TBK1: variants seen among roughly 807,000 people sequenced by gnomAD.
The protein encoded by TBK1 is serine/threonine-protein kinase TBK1.
In TBK1, 37 loss-of-function variants were observed where a neutral mutation model predicts 99.9. The observed-to-expected ratio is 0.37, with a 90% CI of 0.28 to 0.49. The LOEUF (loss-of-function observed/expected upper bound fraction) is 0.49. Ranked by LOEUF, TBK1 falls within the 20% of genes least tolerant of loss-of-function variation. The pLI is 0.98. For missense variants in TBK1, 644 were observed against 872.5 expected (o/e 0.74, Z 3.30); for synonymous variants, 258 against 279.8 (o/e 0.92, Z 0.78).
chr12:64,470,259 T>C (rs2040648710), intron 5 of TBK1, among the ~76,000 whole-genome samples: 1 of 152,182 alleles, frequency 6.6e-6, no homozygotes. Context: ...AATTCCTAGA[T>C]AATATTATAA....
intron 10 of TBK1, 129 bp downstream of exon 10, chr12:64,485,642 T>A (rs1382881384): frequency 2.0e-6 from 1 of 501,380 alleles, no homozygotes; most frequent in Non-Finnish European, 3.4e-6. Context: ...CTTAAATTGA[T>A]ACCCTTTCCA....
intron 4 of TBK1, 45 bp from the exon 5 acceptor site, chr12:64,466,852 TACAC>T: frequency 5.7e-6 from 8 of 1,414,950 alleles, no homozygotes; most frequent in Non-Finnish European, 6.6e-6. Flanking sequence ...CATGCACACA[TACAC>T]GTAAATATCT....
chr12:64,456,734 C>T (rs1482458504), intron 2 of TBK1, among the ~76,000 whole-genome samples: 3 of 151,070 alleles, frequency 2.0e-5, no homozygotes, highest in Non-Finnish European at 4.4e-5. Flanking sequence ...CCCAGCTACT[C>T]GGGAGGCTGA....
intron 12 of TBK1, among the ~76,000 whole-genome samples, chr12:64,489,383 C>A (rs1173988357): frequency 1.3e-5 from 2 of 152,178 alleles, no homozygotes; most frequent in African/African-American, 4.8e-5. Flanking sequence ...AGAGGAAATA[C>A]AATAAATGAA....
In TBK1 at chr12:64,474,292, A is replaced by T. The variant is rs988794084; in HGVS notation, c.603A>T (p.Thr201=). The change falls in exon 6 of 21, where the codon ACA becomes ACT. Residue 201 remains threonine, a synonymous_variant. Transcript: ENST00000331710. ...RKDHQKKYGA[T]VDLWSIGVTF... is the part of the protein sequence containing the mutation. ...ATCATCAGAAGAAATATGGAGCAAC[A>T]GTTGATCTTTGGAGCATTGGGGTAA... is the stretch of plus-strand genomic sequence containing the variant. 1.9e-6 allele frequency: 3 copies of T among 1,614,006 alleles called. No homozygotes were observed. Among genetic ancestry groups the T allele is most frequent in the Admixed American group, 1.7e-5 (1 of 60,012 alleles).
chr12:64,460,276 T>C lies in TBK1; in HGVS notation c.175T>C (p.Leu59=), dbSNP rs545011546. The C allele has an allele frequency of 2.0e-5, 31 of 1,584,118 alleles. No homozygotes were observed. The African/African-American group carries it at 3.2e-4, about 17-fold the overall frequency. Residue 59 remains leucine, a synonymous_variant, in exon 3 of 21, where the codon TTG becomes CTG. Coordinates refer to ENST00000331710, the MANE Select transcript of TBK1 (RefSeq NM_013254.4). ...TGTTCAAATGAGAGAATTTGAAGTGTTGAAAAAACTCAATCACAAAAATAT... is the reference window on the plus strand; with the variant it reads ...TGTTCAAATGAGAGAATTTGAAGTGCTGAAAAAACTCAATCACAAAAATAT... ...VDVQMREFEV[L]KKLNHKNIVK... is the part of the protein sequence containing the mutation.
intron 6 of TBK1, among the ~76,000 whole-genome samples, chr12:64,476,021 T>G (rs1286553738): frequency 6.6e-6 from 1 of 152,118 alleles, no homozygotes; most frequent in Non-Finnish European, 1.5e-5. Flanking sequence ...CTCACCAGCA[T>G]CTGTTACTTT....
chr12:64,467,126 A>G, intron 5 of TBK1, 44 bp downstream of exon 5: 2 of 1,424,202 alleles, frequency 1.4e-6, no homozygotes, highest in Middle Eastern at 1.8e-4. Flanking sequence ...GAAGCTTGAT[A>G]TATTGTAATT....
Position 64,497,066 on chromosome 12 carries a change from T to C in TBK1, c.1862+16T>C, listed in dbSNP as rs770675479. ...AATGGATAAGGTGAGTAAACTTCTT[T>C]TGGAGTGATTAGTGGTTGACTGCAC... On this transcript the variant is annotated intron_variant, in intron 17 of 20. Transcript: ENST00000331710. The C allele has an allele frequency of 8.1e-6, 13 of 1,603,236 alleles. No homozygotes were observed. The South Asian group carries it at 1.3e-4, about 16-fold the overall frequency.
In TBK1 at chr12:64,484,038, CACACACACACAG is replaced by C. The variant is rs907344901; in HGVS notation, c.993-263_993-252del. On this transcript the variant is annotated intron_variant, in intron 8 of 20. Transcript: ENST00000331710. ...ACACACACACACACACACACACACA[CACACACACACAG>C]AGGAAAGAAAATATTAAGAATCCTG... 2.6e-4 allele frequency: 42 copies of C among 163,260 alleles called. No individual in the cohort carries two copies. In the South Asian group the frequency reaches 3.4e-3, roughly 13 times the overall value. The allele number at this position is 163,260 out of a possible 1,614,324, so 10.1% of individuals were successfully genotyped here.
chr12:64,497,888 TAAAAG>T (rs1161698418), intron 19 of TBK1, 75 bp from the exon 20 acceptor site: 5 of 1,446,804 alleles, frequency 3.5e-6, no homozygotes, highest in Non-Finnish European at 4.8e-6. Flanking sequence ...ATTGACCAGT[TAAAAG>T]AAAATAAAAC....
At chr12:64,462,291 A>G (rs755973885) in intron 3 of TBK1, among the ~76,000 whole-genome samples, 155 of 152,378 alleles carry the variant, frequency 1.0e-3, no homozygotes, top group Non-Finnish European at 1.5e-3. Context: ...ATTTTTTACC[A>G]CACAATAGTT....
intron 20 of TBK1, among the ~76,000 whole-genome samples, chr12:64,499,701 T>A (rs1276997169): frequency 7.0e-6 from 1 of 142,022 alleles, no homozygotes; most frequent in Non-Finnish European, 1.5e-5. Context: ...TGCTTTTTTT[T>A]TTTTTTTTTT....
chr12:64,486,337 A>C (rs2040819598), intron 11 of TBK1, among the ~76,000 whole-genome samples: 1 of 152,220 alleles, frequency 6.6e-6, no homozygotes, highest in Non-Finnish European at 1.5e-5. Flanking sequence ...GTTAGAATTC[A>C]GTACAATCTG....
Position 64,476,921 on chromosome 12 carries a change from G to A in TBK1, c.701+2531G>A, listed in dbSNP as rs567319717. ...TTTCCCAGCACCATTTTTCGAATAG[G>A]GTATCCTTTCCCCCATTGTTTATTT... is the stretch of plus-strand genomic sequence containing the variant. On this transcript the variant is annotated intron_variant, in intron 6 of 20. Transcript: ENST00000331710. Among the ~76,000 whole-genome samples, 21 of 152,150 alleles carry A rather than the reference G, an allele frequency of 1.4e-4. No homozygotes were observed. In the South Asian group the frequency reaches 4.2e-3, roughly 30 times the overall value.
At chr12:64,471,786 C>G (rs1440653999) in intron 5 of TBK1, among the ~76,000 whole-genome samples, 2 of 152,190 alleles carry the variant, frequency 1.3e-5, no homozygotes, top group Non-Finnish European at 2.9e-5. Context: ...AGTAACACAT[C>G]AGGACAGAGC....
chr12:64,491,622 C>CAAAT (rs369408047), intron 13 of TBK1, among the ~76,000 whole-genome samples: 9 of 151,916 alleles, frequency 5.9e-5, no homozygotes, highest in Admixed American at 1.3e-4. Context: ...GAGACTGTCT[C>CAAAT]AAATAAATAA....
chr12:64,468,417 G>A (rs1176842669), intron 5 of TBK1, among the ~76,000 whole-genome samples: 1 of 151,944 alleles, frequency 6.6e-6, no homozygotes, highest in Non-Finnish European at 1.5e-5. Flanking sequence ...TCTGAACCTG[G>A]GAGGTGGAGG....
intron 3 of TBK1, 106 bp downstream of exon 3, chr12:64,460,435 T>C: frequency 1.2e-6 from 1 of 809,560 alleles, no homozygotes; most frequent in Non-Finnish European, 1.9e-6. Flanking sequence ...AATTAGGGTT[T>C]GTACAACCAA....
Sources: gnomAD v4.1 joint callset for allele counts (sites outside exome capture counted in the v4.1 genomes callset) on GRCh38, gnomAD v4.1.1 for gene constraint, MANE v1.5 for transcripts, NCBI Gene and HGNC (gene_info 2026-07-23, HGNC 2026-07-21) for gene names.